The following TENM1 variants were observed in gnomAD, a reference collection of about 807,000 sequenced individuals.
TENM1 encodes teneurin transmembrane protein 1.
TENM1 carries 35 observed loss-of-function variants against 174.8 expected under a neutral mutation model. The ratio of observed to expected loss-of-function variants is 0.20; its 90% CI spans 0.15 to 0.27. The LOEUF (loss-of-function observed/expected upper bound fraction) is 0.27, where lower values mean the gene tolerates loss of function less well. TENM1 is among the 10% of genes least tolerant of loss of function. The pLI, the probability that TENM1 is intolerant of heterozygous loss-of-function variation, is 1.00. For missense variants in TENM1, 1,633 were observed against 2,130.1 expected, an observed-to-expected ratio of 0.77 and a Z score of 4.59; for synonymous variants, 781 against 798.7, an observed-to-expected ratio of 0.98 and a Z score of 0.37.
chrX:125,027,637 C>T, the TENM1 span, among the ~76,000 whole-genome samples: 2 of 83,877 alleles, frequency 2.4e-5, no homozygotes, highest in African/African-American at 9.2e-5. Context: ...TTTTTTGAGA[C>T]GGAGTCTCGC....
the TENM1 span, among the ~76,000 whole-genome samples, chrX:124,987,093 T>G: frequency 8.9e-6 from 1 of 111,902 alleles, no homozygotes. Flanking sequence ...AGTTTTCCTA[T>G]GTTTCTGCCA....
chrX:124,684,523 C>T (rs1041142380), intron 5 of TENM1, among the ~76,000 whole-genome samples: 8 of 112,021 alleles, frequency 7.1e-5, no homozygotes, highest in African/African-American at 2.6e-4. Context: ...CACCCAATGA[C>T]CAAGCTTACA....
chrX:124,385,021 A>G (rs189157657), intron 29 of TENM1, among the ~76,000 whole-genome samples, 167 bp from the exon 33 acceptor site: 1 of 112,485 alleles, frequency 8.9e-6, no homozygotes, highest in East Asian at 2.8e-4. Flanking sequence ...ATGGATATAT[A>G]TTCTCATAGT....
At chrX:124,547,306 T>G (rs1482353223) in intron 14 of TENM1, among the ~76,000 whole-genome samples, 2 of 112,107 alleles carry the variant, frequency 1.8e-5, no homozygotes, top group East Asian at 2.8e-4. Context: ...TGTTCATAAA[T>G]TTTTCTTTCC....
chrX:124,715,994 G>A (rs1460477714), intron 4 of TENM1, among the ~76,000 whole-genome samples: 2 of 111,973 alleles, frequency 1.8e-5, no homozygotes, highest in East Asian at 5.6e-4. Context: ...TGAAAATCTA[G>A]ATCATTATGC....
the TENM1 span, among the ~76,000 whole-genome samples, chrX:125,124,411 TA>T: frequency 8.9e-5 from 10 of 111,953 alleles, no homozygotes; most frequent in South Asian, 2.2e-3. Flanking sequence ...AGAAGGATGG[TA>T]ACAATAAAAA....
intron 14 of TENM1, among the ~76,000 whole-genome samples, chrX:124,553,223 G>A (rs1193021571): frequency 2.9e-5 from 3 of 103,104 alleles, no homozygotes; most frequent in African/African-American, 1.1e-4. Context: ...TTGGCCAGGT[G>A]TGGTGGCTCA....
chrX:124,866,130 A>C (rs370541408), intron 3 of TENM1, among the ~76,000 whole-genome samples: 2 of 112,051 alleles, frequency 1.8e-5, no homozygotes, highest in African/African-American at 6.5e-5. Context: ...AAGAAACATC[A>C]GACTTAATCT....
chrX:125,105,342 CT>C, the TENM1 span, among the ~76,000 whole-genome samples: 1 of 111,120 alleles, frequency 9.0e-6, no homozygotes, highest in East Asian at 2.8e-4. Context: ...ATCTAGCTCA[CT>C]TTTTTTCAAA....
rs188710882 is a variant in TENM1 at position 124,885,928 on chromosome X, C to T, written c.535+8368G>A. 6.8e-4 allele frequency among the ~76,000 whole-genome samples: 76 copies of T among 111,145 alleles called. 1 individual carries two copies. The East Asian group carries it at 0.016, about 23-fold the overall frequency. ...CTGCATTCCACTTTAAATACCTACC[C>T]AAAAAATTAACTCTGACCAGCAATC... On this transcript the variant is annotated intron_variant, in intron 3 of 31. Transcript: ENST00000422452.
intron 3 of TENM1, among the ~76,000 whole-genome samples, chrX:124,878,907 A>C (rs1164917301): frequency 9.0e-6 from 1 of 111,561 alleles, no homozygotes; most frequent in Non-Finnish European, 1.9e-5. Flanking sequence ...GTCCTCTTAA[A>C]GTGTTCCTCA....
At chrX:124,834,263 C>G (rs999720009) in intron 3 of TENM1, among the ~76,000 whole-genome samples, 2 of 111,770 alleles carry the variant, frequency 1.8e-5, no homozygotes, top group Non-Finnish European at 3.8e-5. Context: ...CCTCTGTCTC[C>G]TGAGTTCAAG....
chrX:124,670,189 A>T (rs1326016717), intron 6 of TENM1, among the ~76,000 whole-genome samples: 2 of 112,241 alleles, frequency 1.8e-5, no homozygotes, highest in African/African-American at 6.5e-5. Flanking sequence ...AAGAGGTCTG[A>T]ATTAGAATAT....
intron 11 of TENM1, among the ~76,000 whole-genome samples, chrX:124,631,750 A>T (rs1463642113): frequency 9.3e-6 from 1 of 107,587 alleles, no homozygotes; most frequent in Non-Finnish European, 1.9e-5. Context: ...ATACAAAAAA[A>T]TTAGCCAGGT....
chrX:124,548,482 A>G lies in TENM1; in HGVS notation c.2435-1392T>C, dbSNP rs1056745991. Among the ~76,000 whole-genome samples, 4 of 111,991 alleles carry G rather than the reference A, an allele frequency of 3.6e-5. No homozygotes were observed. The Admixed American group carries it at 3.8e-4, about 11-fold the overall frequency. ...AAAAATGTAAGAAGTGCTTTAAGAG[A>G]GTTACATGCAAAGAGAAGGGGTTGG... On this transcript the variant is annotated intron_variant, in intron 14 of 31. Coordinates refer to ENST00000422452, the Ensembl canonical transcript of TENM1.
intron 3 of TENM1, among the ~76,000 whole-genome samples, chrX:124,748,188 T>G: frequency 9.0e-6 from 1 of 111,435 alleles, no homozygotes; most frequent in East Asian, 2.8e-4. Flanking sequence ...TACCTGATCT[T>G]CAAATTCTTG....
At chrX:125,034,801 A>G in the TENM1 span, among the ~76,000 whole-genome samples, 1 of 111,668 alleles carries the variant, frequency 9.0e-6, no homozygotes, top group Non-Finnish European at 1.9e-5. Flanking sequence ...TTTTTGGGTA[A>G]AACCTCCTAT....
intron 23 of TENM1, among the ~76,000 whole-genome samples, chrX:124,423,704 T>C (rs1284640930): frequency 9.1e-6 from 1 of 110,151 alleles, no homozygotes; most frequent in Non-Finnish European, 1.9e-5. Context: ...AAAGCATGGG[T>C]GAAAGTCCAG....
intron 1 of TENM1, among the ~76,000 whole-genome samples, chrX:124,956,588 A>T: frequency 8.9e-6 from 1 of 112,268 alleles, no homozygotes; most frequent in Non-Finnish European, 1.9e-5. Context: ...AATTTTCATG[A>T]ACAAATGTTA....
Sources: gnomAD v4.1 joint callset for allele counts (sites outside exome capture counted in the v4.1 genomes callset) on GRCh38, gnomAD v4.1.1 for gene constraint, MANE v1.5 for transcripts, NCBI Gene and HGNC (gene_info 2026-07-23, HGNC 2026-07-21) for gene names.